AUH: variants seen among roughly 807,000 people sequenced by gnomAD.
AUH encodes the protein methylglutaconyl-CoA hydratase, mitochondrial.
Under a neutral mutation model 42.3 loss-of-function variants are expected in AUH, and 29 were observed. The ratio of observed to expected loss-of-function variants is 0.69; its 90% CI spans 0.51 to 0.93. The LOEUF is 0.93. AUH is among the 40% of genes least tolerant of loss of function. The probability of loss-of-function intolerance (pLI) is 0.00; values close to 1 mark genes in which losing one functional copy is unlikely to be tolerated. For missense variants in AUH, 452 were observed against 438.1 expected, an observed-to-expected ratio of 1.03 and a Z score of -0.28; for synonymous variants, 174 against 166.4, an observed-to-expected ratio of 1.05 and a Z score of -0.35.
intron 3 of AUH, among the ~76,000 whole-genome samples, chr9:91,352,137 A>G (rs1216771383): frequency 6.6e-6 from 1 of 152,072 alleles, no homozygotes; most frequent in East Asian, 1.9e-4. Flanking sequence ...TTAGCTGGGC[A>G]TGGTGGCACA....
chr9:91,313,823 C>T (rs113329986), intron 4 of AUH, among the ~76,000 whole-genome samples: 3,884 of 54,716 alleles, frequency 0.071, 294 homozygotes, highest in East Asian at 0.41. Context: ...CATAAACGCT[C>T]TTTTTTTTTT....
chr9:91,343,490 G>A (rs1831254763), intron 3 of AUH, among the ~76,000 whole-genome samples: 1 of 152,224 alleles, frequency 6.6e-6, no homozygotes, highest in Admixed American at 6.5e-5. Flanking sequence ...ACATCGGCCA[G>A]GCACAGTGGC....
intron 3 of AUH, among the ~76,000 whole-genome samples, chr9:91,340,271 T>C (rs1831009192): frequency 6.6e-6 from 1 of 152,202 alleles, no homozygotes. Flanking sequence ...GCATGTGTCC[T>C]ATCTGTCACA....
intron 4 of AUH, among the ~76,000 whole-genome samples, chr9:91,310,664 C>A (rs764901337): frequency 1.1e-4 from 17 of 152,224 alleles, no homozygotes; most frequent in Non-Finnish European, 2.1e-4. Context: ...ATGGCATTAT[C>A]TTTGAGAAAA....
At chr9:91,271,491 TTTTC>T (rs1375753842) in intron 6 of AUH, among the ~76,000 whole-genome samples, 1 of 152,242 alleles carries the variant, frequency 6.6e-6, no homozygotes, top group Non-Finnish European at 1.5e-5. Context: ...TTCTGCTTAG[TTTTC>T]TTTAATATTC....
chr9:91,309,887 C>T (rs968853997), intron 4 of AUH, among the ~76,000 whole-genome samples: 2 of 152,144 alleles, frequency 1.3e-5, no homozygotes, highest in Non-Finnish European at 2.9e-5. Context: ...CTCAATCTAC[C>T]GCTTTCATTC....
intron 6 of AUH, among the ~76,000 whole-genome samples, chr9:91,284,122 C>T (rs1826205775): frequency 6.6e-6 from 1 of 152,158 alleles, no homozygotes; most frequent in African/African-American, 2.4e-5. Flanking sequence ...GAGATACAGA[C>T]CAATGGAATC....
chr9:91,282,866 C>T (rs1205978280), intron 6 of AUH, among the ~76,000 whole-genome samples: 1 of 152,124 alleles, frequency 6.6e-6, no homozygotes, highest in African/African-American at 2.4e-5. Flanking sequence ...GATTCACAGC[C>T]AAATTCTACC....
intron 8 of AUH, among the ~76,000 whole-genome samples, chr9:91,216,744 A>G (rs1826842889): frequency 6.6e-6 from 1 of 152,196 alleles, no homozygotes; most frequent in Non-Finnish European, 1.5e-5. Flanking sequence ...ATAAATGGGT[A>G]TGTGCACCAC....
At chr9:91,347,766 T>G (rs923788453) in intron 3 of AUH, among the ~76,000 whole-genome samples, 1 of 152,072 alleles carries the variant, frequency 6.6e-6, no homozygotes, top group African/African-American at 2.4e-5. Context: ...AGAAAATCTT[T>G]CTGACTGTGG....
chr9:91,232,145 G>A (rs939034480), intron 6 of AUH, among the ~76,000 whole-genome samples: 30 of 152,160 alleles, frequency 2.0e-4, no homozygotes, highest in Admixed American at 2.0e-3. Context: ...AGCACTTTAG[G>A]AGGCTGGGGC....
At chr9:91,330,858 G>A (rs547136322) in intron 3 of AUH, among the ~76,000 whole-genome samples, 24 of 152,296 alleles carry the variant, frequency 1.6e-4, no homozygotes, top group African/African-American at 4.6e-4. Flanking sequence ...AGTATTTGGC[G>A]ATAAAAGTCA....
chr9:91,223,105 C>T (rs1827226336), intron 6 of AUH, among the ~76,000 whole-genome samples: 2 of 152,266 alleles, frequency 1.3e-5, no homozygotes, highest in South Asian at 4.1e-4. Flanking sequence ...AAGCTGGATG[C>T]ATAACACAAC....
intron 6 of AUH, among the ~76,000 whole-genome samples, chr9:91,252,141 A>AT (rs1472023693): frequency 6.6e-6 from 1 of 151,598 alleles, no homozygotes; most frequent in African/African-American, 2.4e-5. Flanking sequence ...TAATTTTCGT[A>AT]TTTTTTGTAG....
chr9:91,293,290 G>A (rs1827058111), intron 6 of AUH, among the ~76,000 whole-genome samples: 1 of 152,212 alleles, frequency 6.6e-6, no homozygotes, highest in Non-Finnish European at 1.5e-5. Context: ...AGTGAGGAAG[G>A]CATGTCAAAA....
chr9:91,269,591 T>G (rs963127518), intron 6 of AUH, among the ~76,000 whole-genome samples: 2 of 152,252 alleles, frequency 1.3e-5, no homozygotes, highest in Non-Finnish European at 2.9e-5. Flanking sequence ...CATTTTATTC[T>G]GTATTAATGA....
At position 91,218,912 on chromosome 9, in the gene AUH, T is replaced by C; in HGVS notation, c.844-1585A>G. 8 of 985,406 alleles carry C rather than the reference T, an allele frequency of 8.1e-6. No individual in the cohort carries two copies. The South Asian group carries it at 3.3e-4, about 40-fold the overall frequency. 61.0% of individuals were successfully genotyped at this position (985,406 alleles called of 1,614,324 possible). A position where few individuals can be genotyped will look rare whatever the true frequency, so the allele number is the denominator to read the frequency against. ...TTTTGCAGTCACATATTTTCTGAAG[T>C]AACTCAACATCTTCTTATACATCAA... On this transcript the variant is annotated intron_variant, in intron 7 of 9. Transcript: ENST00000375731.
intron 6 of AUH, among the ~76,000 whole-genome samples, chr9:91,282,536 CAGTA>C (rs1246313861): frequency 6.6e-6 from 1 of 152,104 alleles, no homozygotes; most frequent in African/African-American, 2.4e-5. Context: ...GCCTGGAAAA[CAGTA>C]TGTGAGCAGG....
intron 6 of AUH, among the ~76,000 whole-genome samples, chr9:91,226,221 T>C (rs1404730427): frequency 1.3e-5 from 2 of 151,756 alleles, no homozygotes; most frequent in East Asian, 1.9e-4. Context: ...TGTTGTTTCC[T>C]GACTTTTTAA....
Sources: gnomAD v4.1 joint callset for allele counts (sites outside exome capture counted in the v4.1 genomes callset) on GRCh38, gnomAD v4.1.1 for gene constraint, MANE v1.5 for transcripts, NCBI Gene and HGNC (gene_info 2026-07-23, HGNC 2026-07-21) for gene names.